TRAPPC9: variants seen among roughly 807,000 people sequenced by gnomAD.
The protein encoded by TRAPPC9 is IKK2 binding protein.
A neutral mutation model predicts 124.0 loss-of-function variants in TRAPPC9; 83 were observed. That is an observed-to-expected ratio of 0.67 (90% CI 0.56 to 0.80). The LOEUF is 0.80. Among genes scored for constraint, TRAPPC9 ranks in the 30% least tolerant of loss-of-function variants. The pLI, the probability that TRAPPC9 is intolerant of heterozygous loss-of-function variation, is 0.00. For missense variants in TRAPPC9, 1,302 were observed against 1,508.3 expected, an observed-to-expected ratio of 0.86 and a Z score of 2.27; for synonymous variants, 638 against 617.5, an observed-to-expected ratio of 1.03 and a Z score of -0.49.
chr8:139,735,668 T>G (rs924607651), intron 21 of TRAPPC9, among the ~76,000 whole-genome samples: 3 of 151,690 alleles, frequency 2.0e-5, no homozygotes, highest in Non-Finnish European at 2.9e-5. Context: ...GTTTTTTTTT[T>G]TTGTTTTGTT....
At chr8:139,919,375 T>C (rs1563922123) in intron 19 of TRAPPC9, among the ~76,000 whole-genome samples, 1 of 152,206 alleles carries the variant, frequency 6.6e-6, no homozygotes, top group Non-Finnish European at 1.5e-5. Context: ...TTATAGCTAT[T>C]ATAATGCTTT....
chr8:140,190,273 T>G (rs146764713), intron 17 of TRAPPC9, among the ~76,000 whole-genome samples: 6 of 152,106 alleles, frequency 3.9e-5, no homozygotes, highest in African/African-American at 1.4e-4. Flanking sequence ...CTGACCAACA[T>G]GGTGAAACCC....
chr8:140,089,905 C>T (rs1221502057), intron 17 of TRAPPC9, among the ~76,000 whole-genome samples: 1 of 152,060 alleles, frequency 6.6e-6, no homozygotes. Flanking sequence ...CGGTAAAACC[C>T]TGTCTCTACT....
intron 7 of TRAPPC9, among the ~76,000 whole-genome samples, chr8:140,380,177 C>T (rs2068560627): frequency 6.6e-6 from 1 of 152,088 alleles, no homozygotes; most frequent in Non-Finnish European, 1.5e-5. Context: ...ACACACTTCC[C>T]AGCTTCAAAA....
intron 21 of TRAPPC9, among the ~76,000 whole-genome samples, chr8:139,830,787 C>T (rs919507454): frequency 2.0e-5 from 3 of 152,236 alleles, no homozygotes; most frequent in African/African-American, 7.2e-5. Flanking sequence ...GGCTGCTGCA[C>T]CAGGGAGCCC....
rs1217821909 is a variant in TRAPPC9, at chr8:140,042,669, C to G, written c.2557-18590G>C. ...TGTCCGGGACCGCCTGGGCCCACGC[C>G]CTCTGCAGATGCCAGAGCAAAGCAA... On this transcript the variant is annotated intron_variant, in intron 17 of 22. Transcript: ENST00000438773. 3.3e-5 allele frequency among the ~76,000 whole-genome samples: 5 copies of G among 152,220 alleles called. No homozygotes were observed. In the East Asian group the frequency reaches 9.6e-4, roughly 29 times the overall value.
intron 8 of TRAPPC9, among the ~76,000 whole-genome samples, 195 bp downstream of exon 8, chr8:140,370,769 G>C (rs780992356): frequency 1.3e-5 from 2 of 152,144 alleles, no homozygotes; most frequent in African/African-American, 2.4e-5. Context: ...TCAAGAATCC[G>C]AGCCCCAAGG....
At chr8:140,051,701 T>C (rs1489897930) in intron 17 of TRAPPC9, among the ~76,000 whole-genome samples, 3 of 149,936 alleles carry the variant, frequency 2.0e-5, no homozygotes, top group Admixed American at 6.7e-5. Context: ...ATAAAGGACA[T>C]TGATAATTAT....
intron 9 of TRAPPC9, among the ~76,000 whole-genome samples, chr8:140,326,443 C>G (rs1276036383): frequency 6.6e-6 from 1 of 152,170 alleles, no homozygotes; most frequent in Non-Finnish European, 1.5e-5. Context: ...TACATCCCCC[C>G]ACCATGATCA....
intron 11 of TRAPPC9, among the ~76,000 whole-genome samples, chr8:140,293,261 T>G (rs1281511627): frequency 6.6e-6 from 1 of 150,704 alleles, no homozygotes; most frequent in African/African-American, 2.5e-5. Context: ...TTTTACACTT[T>G]TGGTGGGACT....
chr8:140,431,878 A>C (rs1372800746), intron 4 of TRAPPC9, among the ~76,000 whole-genome samples: 1 of 152,222 alleles, frequency 6.6e-6, no homozygotes, highest in Non-Finnish European at 1.5e-5. Flanking sequence ...AAGGTGCTCC[A>C]GACAGTTTCT....
intron 9 of TRAPPC9, among the ~76,000 whole-genome samples, chr8:140,327,319 T>C (rs1208338919): frequency 2.0e-5 from 3 of 152,068 alleles, no homozygotes; most frequent in Middle Eastern, 3.2e-3. Context: ...GAATGTAAAA[T>C]AGTACATCTG....
At position 140,024,088 on chromosome 8, in the gene TRAPPC9, T is replaced by C. The variant is rs777757121; in HGVS notation, c.2557-9A>G. ...AGGACAGCTTCCAGGGTCTAAAAGA[T>C]ATTAAAAAAAAAAATACACACACAC... On this transcript the variant is annotated splice_polypyrimidine_tract_variant and intron_variant, in intron 17 of 22. Coordinates refer to ENST00000438773, the MANE Select transcript of TRAPPC9 (RefSeq NM_001160372.4). The C allele has an allele frequency of 2.5e-6, 4 of 1,612,144 alleles. No homozygotes were observed. The highest frequency in any genetic ancestry group is 4.5e-5 in the East Asian group (2 of 44,832).
chr8:140,157,759 AC>A (rs2061679701), intron 17 of TRAPPC9, among the ~76,000 whole-genome samples: 1 of 152,250 alleles, frequency 6.6e-6, no homozygotes, highest in Non-Finnish European at 1.5e-5. Flanking sequence ...ACATTAGGAA[AC>A]AGTGAAAAGC....
chr8:140,206,730 C>T (rs2062925303), intron 17 of TRAPPC9, among the ~76,000 whole-genome samples: 1 of 150,886 alleles, frequency 6.6e-6, no homozygotes, highest in Non-Finnish European at 1.5e-5. Flanking sequence ...TACATACATA[C>T]ATACACACAC....
intron 21 of TRAPPC9, among the ~76,000 whole-genome samples, chr8:139,771,747 G>A (rs1386846599): frequency 1.3e-5 from 2 of 152,212 alleles, no homozygotes; most frequent in Non-Finnish European, 2.9e-5. Flanking sequence ...TGTGTGTGCA[G>A]ACAGCGCAGA....
chr8:140,265,783 G>A lies in TRAPPC9; in HGVS notation c.2278+9875C>T, dbSNP rs62527498. Among the ~76,000 whole-genome samples the A allele has an allele frequency of 3.7e-4, 57 of 152,246 alleles. 1 individual carries two copies. The highest frequency in any genetic ancestry group is 3.4e-3 in the Admixed American group (52 of 15,290). ...TGATAATAACAGAGGAATTACTGCC[G>A]CTGTGAACTTGAGACATGTAAGAAG... is the stretch of plus-strand genomic sequence containing the variant. On this transcript the variant is annotated intron_variant, in intron 15 of 22. Coordinates refer to ENST00000438773, the MANE Select transcript of TRAPPC9 (RefSeq NM_001160372.4).
intron 19 of TRAPPC9, among the ~76,000 whole-genome samples, chr8:139,963,375 A>G (rs1422779529): frequency 6.6e-6 from 1 of 152,198 alleles, no homozygotes; most frequent in Non-Finnish European, 1.5e-5. Flanking sequence ...AGGCTTCCCA[A>G]GGATGGCTGA....
intron 9 of TRAPPC9, among the ~76,000 whole-genome samples, chr8:140,320,175 A>T (rs1019692570): frequency 6.6e-6 from 1 of 152,230 alleles, no homozygotes; most frequent in Non-Finnish European, 1.5e-5. Context: ...ATAATACCAC[A>T]GTTAGTATTT....
Sources: gnomAD v4.1 joint callset for allele counts (sites outside exome capture counted in the v4.1 genomes callset) on GRCh38, gnomAD v4.1.1 for gene constraint, MANE v1.5 for transcripts, NCBI Gene and HGNC (gene_info 2026-07-23, HGNC 2026-07-21) for gene names.